The following ACOXL variants were observed in gnomAD, a reference collection of about 807,000 sequenced individuals.
ACOXL encodes the protein acyl-coenzyme A oxidase-like protein.
Under a neutral mutation model 71.9 loss-of-function variants are expected in ACOXL, and 70 were observed. The observed-to-expected ratio is 0.97, with a 90% CI of 0.80 to 1.19. ACOXL has a LOEUF of 1.19. ACOXL is among the 50% of genes most tolerant of loss of function. The pLI, the probability that ACOXL is intolerant of heterozygous loss-of-function variation, is 0.00. For missense variants in ACOXL, 703 were observed against 736.3 expected (o/e 0.95, Z 0.52); for synonymous variants, 253 against 281.6 (o/e 0.90, Z 1.02).
intron 2 of ACOXL, among the ~76,000 whole-genome samples, chr2:110,779,662 C>T (rs962007442): frequency 1.5e-4 from 23 of 152,196 alleles, no homozygotes; most frequent in African/African-American, 5.5e-4. Flanking sequence ...CTGAAAGAAA[C>T]TCACACATAT....
chr2:110,817,952 C>CTTTT (rs1193171202), intron 9 of ACOXL, among the ~76,000 whole-genome samples: 1 of 115,736 alleles, frequency 8.6e-6, no homozygotes, highest in Non-Finnish European at 1.8e-5. Flanking sequence ...ATGCTCCTGA[C>CTTTT]TTTTTTTTTT....
At chr2:111,113,200 A>G (rs78068382) in intron 17 of ACOXL, 1 of 151,700 alleles carries the variant, frequency 6.6e-6, no homozygotes, top group Admixed American at 6.6e-5. Flanking sequence ...AAGGCTTTAG[A>G]AAAAAAAAGC....
chr2:111,046,930 G>A (rs2066043593), intron 15 of ACOXL, among the ~76,000 whole-genome samples: 1 of 152,210 alleles, frequency 6.6e-6, no homozygotes, highest in Admixed American at 6.5e-5. Flanking sequence ...GGCTCCAGCA[G>A]GGCCAGGCTC....
chr2:110,940,050 A>G lies in ACOXL; in HGVS notation c.1059+6408A>G, dbSNP rs116600181. Among the ~76,000 whole-genome samples, 1,464 of 152,362 alleles carry G rather than the reference A, an allele frequency of 9.6e-3. 14 individuals are homozygous for G. The highest frequency in any genetic ancestry group is 0.051 in the Middle Eastern group (15 of 294). ...TGAAGTAAAAGGTATGCTTTCCTTT[A>G]CAAATCTTTACAACCCAGTATTTAC... On this transcript the variant is annotated intron_variant, in intron 12 of 17. Coordinates refer to ENST00000439055, the MANE Select transcript of ACOXL (RefSeq NM_001142807.4).
At chr2:110,818,410 C>CATATATAT (rs1371218363) in intron 9 of ACOXL, among the ~76,000 whole-genome samples, 2 of 128,536 alleles carry the variant, frequency 1.6e-5, no homozygotes, top group African/African-American at 6.1e-5. Context: ...AAAAAAAAAA[C>CATATATAT]ATATATATAT....
At chr2:111,075,329 T>C (rs2067547398) in intron 16 of ACOXL, among the ~76,000 whole-genome samples, 1 of 152,186 alleles carries the variant, frequency 6.6e-6, no homozygotes, top group Non-Finnish European at 1.5e-5. Flanking sequence ...TAACATGAAA[T>C]ATTCAAGGAA....
chr2:111,032,205 C>CT (rs2065303260), intron 15 of ACOXL, among the ~76,000 whole-genome samples: 1 of 152,156 alleles, frequency 6.6e-6, no homozygotes, highest in Non-Finnish European at 1.5e-5. Flanking sequence ...TGGTTCTCAA[C>CT]CAGGGGCAAT....
chr2:110,926,028 C>T (rs2149312768), intron 11 of ACOXL, among the ~76,000 whole-genome samples: 1 of 152,106 alleles, frequency 6.6e-6, no homozygotes, highest in South Asian at 2.1e-4. Context: ...GGGGAAATGG[C>T]AGGTCAGTGG....
chr2:110,875,444 T>C (rs1319046666), intron 10 of ACOXL, among the ~76,000 whole-genome samples: 17 of 152,114 alleles, frequency 1.1e-4, no homozygotes, highest in Admixed American at 1.1e-3. Flanking sequence ...GCAAGACCCT[T>C]GTAGATATGG....
At chr2:110,947,302 T>C (rs963798468) in intron 12 of ACOXL, among the ~76,000 whole-genome samples, 1 of 152,224 alleles carries the variant, frequency 6.6e-6, no homozygotes, top group African/African-American at 2.4e-5. Flanking sequence ...CTAGATTGAA[T>C]TTCTAAAATC....
At chr2:110,968,997 T>C (rs2062058916) in intron 12 of ACOXL, among the ~76,000 whole-genome samples, 1 of 151,994 alleles carries the variant, frequency 6.6e-6, no homozygotes, top group Non-Finnish European at 1.5e-5. Flanking sequence ...TAGAATGAAA[T>C]GAGAAATCAA....
At position 111,049,251 on chromosome 2, in the gene ACOXL, G is replaced by A. The variant is rs771529185; in HGVS notation, c.1403G>A (p.Ser468Asn). 3.7e-6 allele frequency: 6 copies of A among 1,612,988 alleles called. No individual in the cohort carries two copies. In the East Asian group the frequency reaches 1.3e-4, roughly 36 times the overall value. ...TLEQFSLAVKSCPDQEDQTLL... is the reference protein window; with the variant it reads ...TLEQFSLAVKNCPDQEDQTLL... ...GAGCAGTTCTCCCTAGCAGTGAAGA[G>A]CTGTCCTGACCAAGAGGACCAGACT... is the stretch of plus-strand genomic sequence containing the variant. Residue 468 changes from serine to asparagine, a missense_variant, in exon 16 of 18, where the codon AGC (serine) becomes AAC (asparagine). Ser to Asn is a conservative substitution (Grantham distance 46, BLOSUM62 1). Coordinates refer to ENST00000439055, the MANE Select transcript of ACOXL (RefSeq NM_001142807.4).
chr2:110,972,753 C>G (rs546309286), intron 12 of ACOXL, among the ~76,000 whole-genome samples: 1 of 152,226 alleles, frequency 6.6e-6, no homozygotes, highest in East Asian at 1.9e-4. Context: ...TCCAAGAGTC[C>G]TCTCTCAATG....
chr2:111,117,885 C>A lies in ACOXL; in HGVS notation c.*69C>A. 1 of 1,484,620 alleles carries A rather than the reference C, an allele frequency of 6.7e-7. No homozygotes were observed. The allele number at this position is 1,484,620 out of a possible 1,614,324, so 92.0% of individuals were successfully genotyped here. ...ACGCTCGCTCCACCGACGCCCAGAG[C>A]TGTGGCCGAGGCCGGGGGCTGGCAC... On this transcript the variant is annotated 3_prime_UTR_variant, in exon 18 of 18. Coordinates refer to ENST00000439055, the MANE Select transcript of ACOXL (RefSeq NM_001142807.4).
At chr2:111,028,492 C>T (rs968191696) in intron 14 of ACOXL, among the ~76,000 whole-genome samples, 2 of 152,042 alleles carry the variant, frequency 1.3e-5, no homozygotes, top group African/African-American at 4.8e-5. Flanking sequence ...ATTTCCTTTT[C>T]TTGCCTTATT....
chr2:111,027,265 G>A (rs2065056535), intron 14 of ACOXL, among the ~76,000 whole-genome samples: 1 of 151,860 alleles, frequency 6.6e-6, no homozygotes, highest in Admixed American at 6.6e-5. Context: ...TTCTGTCTAT[G>A]TGTGGGAGAG....
chr2:110,865,855 C>G (rs1694525545), intron 10 of ACOXL, among the ~76,000 whole-genome samples: 1 of 151,426 alleles, frequency 6.6e-6, no homozygotes, highest in Non-Finnish European at 1.5e-5. Context: ...TCCTACAAAA[C>G]TAAAAGGATT....
intron 10 of ACOXL, among the ~76,000 whole-genome samples, chr2:110,907,150 G>T (rs549348131): frequency 1.3e-5 from 2 of 152,324 alleles, no homozygotes; most frequent in African/African-American, 4.8e-5. Flanking sequence ...TCTGGTGAGG[G>T]CGCTTTTCCT....
At position 110,793,695 on chromosome 2, in the gene ACOXL, G is replaced by T. The variant is rs377311455; in HGVS notation, c.205G>T (p.Gly69Ter). Residue 69 changes from glycine to a stop codon, truncating the protein, a stop_gained, in exon 4 of 18, where the codon GGA becomes TGA. Coordinates refer to ENST00000439055, the MANE Select transcript of ACOXL (RefSeq NM_001142807.4). LOFTEE classifies it high-confidence loss of function. ...ATTTGGTGGTGCTATCAGGAATCTC[G>T]GAAGCCCTGAACATGTTACTAAGTG... ...WLFGGAIRNL[G>*]SPEHVTKWFQ... is the part of the protein sequence containing the mutation. 10 of 1,614,040 alleles carry T rather than the reference G, an allele frequency of 6.2e-6. No homozygotes were observed. The African/African-American group carries it at 9.3e-5, about 15-fold the overall frequency.
Sources: allele counts gnomAD v4.1 joint callset (sites outside exome capture counted in the v4.1 genomes callset), GRCh38; gene constraint gnomAD v4.1.1; transcripts MANE v1.5; gene names NCBI Gene and HGNC (gene_info 2026-07-23, HGNC 2026-07-21).